The following GNAO1 variants were observed in gnomAD, a reference collection of about 807,000 sequenced individuals.
GNAO1 encodes the protein guanine nucleotide-binding protein G(o) subunit alpha.
For missense variants in GNAO1, 166 were observed against 478.7 expected, an observed-to-expected ratio of 0.35 and a Z score of 6.10; for synonymous variants, 164 against 180.7, an observed-to-expected ratio of 0.91 and a Z score of 0.74.
chr16:56,265,123 C>T (rs577808856), intron 2 of GNAO1, among the ~76,000 whole-genome samples: 29 of 152,340 alleles, frequency 1.9e-4, no homozygotes, highest in African/African-American at 4.6e-4. Flanking sequence ...CCCCCCAGCC[C>T]GAGCAGCTGA....
At chr16:56,192,702 C>T in intron 2 of GNAO1, 86 bp downstream of exon 2, 2 of 815,744 alleles carry the variant, frequency 2.5e-6, no homozygotes, top group Non-Finnish European at 4.3e-6. Flanking sequence ...CCACATTGCT[C>T]TCCAGGCCTG....
rs930305406 is a variant in GNAO1, at chr16:56,328,919, C to T, written c.464+128C>T. The T allele has an allele frequency of 4.4e-5, 39 of 882,744 alleles. No individual in the cohort carries two copies. In the East Asian group the frequency reaches 1.0e-3, roughly 23 times the overall value. 54.7% of individuals were successfully genotyped at this position (882,744 alleles called of 1,614,324 possible). A position where few individuals can be genotyped will look rare whatever the true frequency, so the allele number is the denominator to read the frequency against. ...GTCACGCCTGCCGGGAGATGTTCTC[C>T]CATAGGTAGAGGGTGTCAGGAAGGA... On this transcript the variant is annotated intron_variant, in intron 4 of 8. Coordinates refer to ENST00000262493, the MANE Select transcript of GNAO1 (RefSeq NM_020988.3).
At chr16:56,279,966 T>C (rs1161476465) in intron 3 of GNAO1, among the ~76,000 whole-genome samples, 6 of 152,226 alleles carry the variant, frequency 3.9e-5, no homozygotes, top group Non-Finnish European at 7.3e-5. Context: ...TAGTAGGACT[T>C]CAAGACCCAT....
chr16:56,354,497 G>A lies in GNAO1; in HGVS notation c.878-369G>A, dbSNP rs530361512. Reference sequence around the variant, plus strand: ...TCGAGACCAACCTGGCCAACATGGTGAAACCCCGTCTCTACTAAAAATACA... The same window carrying A: ...TCGAGACCAACCTGGCCAACATGGTAAAACCCCGTCTCTACTAAAAATACA... On this transcript the variant is annotated intron_variant, in intron 7 of 8. Transcript: ENST00000262493. This position sits in a 1 kb window ranked among gnomAD's most constrained non-coding sequence, Gnocchi z 4.3. Among the ~76,000 whole-genome samples the A allele has an allele frequency of 2.6e-5, 4 of 152,258 alleles. No homozygotes were observed. The highest frequency in any genetic ancestry group is 1.3e-4 in the Admixed American group (2 of 15,306).
At chr16:56,272,384 A>C (rs1205125337) in intron 2 of GNAO1, among the ~76,000 whole-genome samples, 1 of 152,200 alleles carries the variant, frequency 6.6e-6, no homozygotes, top group Non-Finnish European at 1.5e-5. Flanking sequence ...ATTACATTGT[A>C]GTAGAAGGGG....
At chr16:56,314,519 C>T (rs1389432980) in intron 3 of GNAO1, among the ~76,000 whole-genome samples, 1 of 152,172 alleles carries the variant, frequency 6.6e-6, no homozygotes, top group Non-Finnish European at 1.5e-5. Flanking sequence ...GACGGGTACT[C>T]GAGTGGAGTT....
At chr16:56,346,197 T>G in intron 6 of GNAO1, 5 of 985,162 alleles carry the variant, frequency 5.1e-6, no homozygotes, top group Non-Finnish European at 6.0e-6. Flanking sequence ...ATTCTCTCCC[T>G]GTGCATGACA....
chr16:56,328,562 G>C, intron 3 of GNAO1, 69 bp from the exon 4 acceptor site: 1 of 1,516,338 alleles, frequency 6.6e-7, no homozygotes, highest in Non-Finnish European at 9.1e-7. Context: ...CTAGGGGAGA[G>C]CCCTTGGCTG....
chr16:56,212,105 G>A (rs1360087108), intron 2 of GNAO1, among the ~76,000 whole-genome samples: 2 of 113,514 alleles, frequency 1.8e-5, no homozygotes, highest in Admixed American at 8.4e-5. Flanking sequence ...AAGTCCTGTC[G>A]GGACTACTTG....
At chr16:56,245,911 A>G (rs757653810) in intron 2 of GNAO1, among the ~76,000 whole-genome samples, 1 of 152,190 alleles carries the variant, frequency 6.6e-6, no homozygotes, top group Non-Finnish European at 1.5e-5. Context: ...TGGGAGGTTT[A>G]TAATTCAGAT....
chr16:56,245,137 TA>T (rs369359239), intron 2 of GNAO1, among the ~76,000 whole-genome samples: 2,682 of 146,960 alleles, frequency 0.018, 49 homozygotes, highest in South Asian at 0.055. Context: ...ATTTTATAGA[TA>T]AAAAAAAAAA....
intron 2 of GNAO1, among the ~76,000 whole-genome samples, chr16:56,199,991 A>G (rs980397278): frequency 6.6e-6 from 1 of 152,238 alleles, no homozygotes; most frequent in East Asian, 1.9e-4. Flanking sequence ...GAAAGGGAGA[A>G]TAATACATAA....
At chr16:56,305,629 T>C (rs1446823154) in intron 3 of GNAO1, among the ~76,000 whole-genome samples, 2 of 151,968 alleles carry the variant, frequency 1.3e-5, no homozygotes, top group Non-Finnish European at 2.9e-5. Context: ...GCCTTGTAGA[T>C]AGAGTTTGGA....
In GNAO1 at chr16:56,274,474, C is replaced by T. The variant is rs11862499; in HGVS notation, c.162-1457C>T. Among the ~76,000 whole-genome samples the T allele has an allele frequency of 6.4e-4, 97 of 152,066 alleles. 1 individual carries two copies. The highest frequency in any genetic ancestry group is 2.2e-3 in the African/African-American group (90 of 41,364). ...TTTAGAGAAATTCAGGGTGAAGACC[C>T]GCAAACCAGCACCAAGTGGAATTTG... On this transcript the variant is annotated intron_variant, in intron 2 of 8. Transcript: ENST00000262493.
intron 2 of GNAO1, among the ~76,000 whole-genome samples, chr16:56,198,059 CAAAA>C: frequency 6.6e-6 from 1 of 151,744 alleles, no homozygotes; most frequent in Non-Finnish European, 1.5e-5. Context: ...AAAAACAAAA[CAAAA>C]CAAAAAAAAC....
At chr16:56,348,755 T>G (rs571000606) in intron 6 of GNAO1, among the ~76,000 whole-genome samples, 1 of 137,144 alleles carries the variant, frequency 7.3e-6, no homozygotes, top group Non-Finnish European at 1.6e-5. Context: ...GGGGTCTCAG[T>G]GCCGGCGCCT....
At chr16:56,332,784 G>A (rs1157069155) in intron 4 of GNAO1, among the ~76,000 whole-genome samples, 1 of 152,244 alleles carries the variant, frequency 6.6e-6, no homozygotes, top group African/African-American at 2.4e-5. Flanking sequence ...AAGGAGGTTT[G>A]CCCTGGCTGG....
intron 3 of GNAO1, among the ~76,000 whole-genome samples, chr16:56,279,762 C>T (rs1363433384): frequency 1.1e-4 from 17 of 152,286 alleles, no homozygotes; most frequent in South Asian, 2.1e-4. Context: ...TCATGAAAGC[C>T]GCGAGCCTTC....
At position 56,344,003 on chromosome 16, in the gene GNAO1, C is replaced by T. The variant is rs1228473302; in HGVS notation, c.723+7143C>T. The T allele has an allele frequency of 3.8e-6, 6 of 1,596,122 alleles. No homozygotes were observed. The Admixed American group carries it at 5.0e-5, about 13-fold the overall frequency. On this transcript the variant is annotated intron_variant, in intron 6 of 8. Transcript: ENST00000262493. ...CCCTGCCTGGCCTGCCGCCCCCCCT[C>T]CCCTGGAACCAGGCTCCACCACTCT...
Sources: allele counts gnomAD v4.1 joint callset (sites outside exome capture counted in the v4.1 genomes callset), GRCh38; gene constraint gnomAD v4.1.1; non-coding constraint Gnocchi (gnomAD v3.1); transcripts MANE v1.5; gene names NCBI Gene and HGNC (gene_info 2026-07-23, HGNC 2026-07-21).